Variants in AFG2A observed in about 807,000 individuals in gnomAD.
The protein encoded by AFG2A is AAA ATPase AFG2A.
the AFG2A span, among the ~76,000 whole-genome samples, chr4:123,295,548 A>G: frequency 1.3e-5 from 2 of 152,268 alleles, no homozygotes; most frequent in African/African-American, 4.8e-5. Flanking sequence ...TGTTTCTAGC[A>G]TAAATTGTTA....
chr4:122,996,574 T>TAGATAGATAGATAGAC, the AFG2A span, among the ~76,000 whole-genome samples: 1 of 108,062 alleles, frequency 9.3e-6, no homozygotes, highest in African/African-American at 3.3e-5. Context: ...GGTAGGCAGA[T>TAGATAGATAGATAGAC]AGATAGATAG....
At chr4:123,180,556 A>T in the AFG2A span, among the ~76,000 whole-genome samples, 1 of 152,148 alleles carries the variant, frequency 6.6e-6, no homozygotes, top group Non-Finnish European at 1.5e-5. Flanking sequence ...TCATACTGTA[A>T]TTCTCTATCC....
At chr4:123,007,608 G>GTGTATA in the AFG2A span, among the ~76,000 whole-genome samples, 48 of 18,150 alleles carry the variant, frequency 2.6e-3, no homozygotes, top group African/African-American at 6.5e-3. Flanking sequence ...GTGTGTGTGT[G>GTGTATA]TATATATATA....
chr4:122,973,310 G>T, the AFG2A span, among the ~76,000 whole-genome samples: 1 of 151,906 alleles, frequency 6.6e-6, no homozygotes. Flanking sequence ...TACATCACTT[G>T]TATGCAGGGT....
the AFG2A span, among the ~76,000 whole-genome samples, chr4:122,973,023 C>A: frequency 3.4e-3 from 514 of 152,108 alleles, 3 homozygotes; most frequent in Middle Eastern, 0.014. Flanking sequence ...TTAAAACCTG[C>A]AGGCAAGGTC....
At chr4:123,228,886 G>A in the AFG2A span, among the ~76,000 whole-genome samples, 3 of 151,908 alleles carry the variant, frequency 2.0e-5, no homozygotes, top group Non-Finnish European at 2.9e-5. Context: ...GTTGTGGTAC[G>A]AATGTTTGAA....
the AFG2A span, among the ~76,000 whole-genome samples, chr4:123,054,454 A>G: frequency 6.6e-6 from 1 of 151,702 alleles, no homozygotes; most frequent in Admixed American, 6.6e-5. Flanking sequence ...TATCGTGAAC[A>G]TCAAAAATAG....
the AFG2A span, among the ~76,000 whole-genome samples, chr4:123,174,001 C>T: frequency 1.1e-4 from 17 of 151,806 alleles, no homozygotes; most frequent in Non-Finnish European, 4.4e-5. Context: ...TAAAGGTGGA[C>T]AGAGAAATGG....
chr4:123,006,485 C>T, the AFG2A span, among the ~76,000 whole-genome samples: 4 of 151,936 alleles, frequency 2.6e-5, no homozygotes, highest in Admixed American at 6.5e-5. Flanking sequence ...TTTGCTCTTT[C>T]CTCTCTCACT....
chr4:123,176,531 G>A, the AFG2A span, among the ~76,000 whole-genome samples: 1 of 152,074 alleles, frequency 6.6e-6, no homozygotes, highest in East Asian at 1.9e-4. Context: ...TAAAACAGTA[G>A]TATGTATTAT....
At chr4:123,097,833 T>C in the AFG2A span, among the ~76,000 whole-genome samples, 4 of 152,300 alleles carry the variant, frequency 2.6e-5, no homozygotes, top group African/African-American at 9.6e-5. Flanking sequence ...TGGCAGACCA[T>C]GGCCTTTAGG....
the AFG2A span, among the ~76,000 whole-genome samples, chr4:122,988,348 A>C: frequency 5.3e-5 from 8 of 150,792 alleles, no homozygotes; most frequent in African/African-American, 1.9e-4. Flanking sequence ...ATACACTAAA[A>C]CAAATTATAT....
the AFG2A span, among the ~76,000 whole-genome samples, chr4:122,974,714 C>T: frequency 6.6e-6 from 1 of 152,000 alleles, no homozygotes; most frequent in Non-Finnish European, 1.5e-5. Flanking sequence ...GATCTCGGCT[C>T]ACCGCAGCCT....
At chr4:123,235,438 G>C in the AFG2A span, among the ~76,000 whole-genome samples, 1,768 of 152,218 alleles carry the variant, frequency 0.012, 16 homozygotes, top group Non-Finnish European at 0.019. Flanking sequence ...TTCCAAAGGT[G>C]GTGTTAACTT....
the AFG2A span, among the ~76,000 whole-genome samples, chr4:123,241,951 A>G: frequency 6.6e-6 from 1 of 152,220 alleles, no homozygotes; most frequent in African/African-American, 2.4e-5. Flanking sequence ...TACAAAATCA[A>G]TGTGCAAAAA....
the AFG2A span, among the ~76,000 whole-genome samples, chr4:123,075,162 T>C: frequency 6.6e-6 from 1 of 152,008 alleles, no homozygotes; most frequent in Non-Finnish European, 1.5e-5. Context: ...GCCAGGCTGG[T>C]CTCGAACTCC....
At chr4:122,939,908 T>C in the AFG2A span, among the ~76,000 whole-genome samples, 1 of 152,204 alleles carries the variant, frequency 6.6e-6, no homozygotes, top group South Asian at 2.1e-4. Flanking sequence ...TGCGATAGTT[T>C]GCTGAGAATG....
At chr4:123,298,112 T>TACAC in the AFG2A span, among the ~76,000 whole-genome samples, 23,489 of 150,116 alleles carry the variant, frequency 0.16, 2,020 homozygotes, top group African/African-American at 0.23. Flanking sequence ...TGCATACACA[T>TACAC]ACACACACAC....
At chr4:123,051,539 A>G in the AFG2A span, among the ~76,000 whole-genome samples, 2 of 151,744 alleles carry the variant, frequency 1.3e-5, no homozygotes, top group African/African-American at 4.8e-5. Context: ...CATGATTATC[A>G]TATTAGTATA....
Sources: gnomAD v4.1 joint callset for allele counts (sites outside exome capture counted in the v4.1 genomes callset) on GRCh38, gnomAD v4.1.1 for gene constraint, MANE v1.5 for transcripts, NCBI Gene and HGNC (gene_info 2026-07-23, HGNC 2026-07-21) for gene names.